HEMK2: variants seen among roughly 807,000 people sequenced by gnomAD.
The protein encoded by HEMK2 is methyltransferase HEMK2.
the HEMK2 span, among the ~76,000 whole-genome samples, chr21:28,679,389 T>C: frequency 6.6e-6 from 1 of 152,156 alleles, no homozygotes. Flanking sequence ...CCCAGATTCA[T>C]AAAGCAAGTC....
the HEMK2 span, among the ~76,000 whole-genome samples, chr21:28,647,508 CAAAAAAAA>C: frequency 1.8e-5 from 2 of 111,870 alleles, no homozygotes; most frequent in African/African-American, 7.1e-5. Flanking sequence ...AACTCCATCT[CAAAAAAAA>C]AAAAAAAAAG....
At chr21:28,654,788 G>C in the HEMK2 span, among the ~76,000 whole-genome samples, 1 of 152,020 alleles carries the variant, frequency 6.6e-6, no homozygotes, top group African/African-American at 2.4e-5. Flanking sequence ...CATTAAGTTA[G>C]TTGTTTTCTG....
the HEMK2 span, among the ~76,000 whole-genome samples, chr21:28,601,644 CTT>C: frequency 2.1e-5 from 3 of 143,408 alleles, no homozygotes; most frequent in African/African-American, 7.9e-5. Flanking sequence ...CTCTCTCTCT[CTT>C]TCTGTAATTT....
the HEMK2 span, among the ~76,000 whole-genome samples, chr21:28,610,634 CAA>C: frequency 6.6e-6 from 1 of 152,030 alleles, no homozygotes; most frequent in African/African-American, 2.4e-5. Flanking sequence ...GATTCACCAA[CAA>C]AGTGTCATCA....
chr21:28,802,943 G>A, the HEMK2 span, among the ~76,000 whole-genome samples: 2 of 152,008 alleles, frequency 1.3e-5, no homozygotes, highest in East Asian at 3.9e-4. Context: ...CATAAGTTGT[G>A]GGACTCTGAG....
At chr21:28,815,896 T>C in the HEMK2 span, among the ~76,000 whole-genome samples, 8 of 151,448 alleles carry the variant, frequency 5.3e-5, no homozygotes, top group East Asian at 1.4e-3. Flanking sequence ...ATATTGAAGC[T>C]GTAACCCCTA....
chr21:28,725,741 T>C, the HEMK2 span, among the ~76,000 whole-genome samples: 1 of 152,226 alleles, frequency 6.6e-6, no homozygotes, highest in African/African-American at 2.4e-5. Context: ...TGGATGATTT[T>C]TATAATTTGG....
At chr21:28,818,237 T>C in the HEMK2 span, among the ~76,000 whole-genome samples, 4 of 152,280 alleles carry the variant, frequency 2.6e-5, no homozygotes, top group East Asian at 1.9e-4. Context: ...CCGTGCTGGA[T>C]GCTTCTTACC....
At chr21:28,730,418 A>ACACATAATTTAT in the HEMK2 span, among the ~76,000 whole-genome samples, 8 of 142,184 alleles carry the variant, frequency 5.6e-5, no homozygotes, top group African/African-American at 2.1e-4. Flanking sequence ...ACACACACAC[A>ACACATAATTTAT]TTTCTCACAA....
the HEMK2 span, among the ~76,000 whole-genome samples, chr21:28,595,300 G>A: frequency 6.6e-6 from 1 of 151,242 alleles, no homozygotes; most frequent in African/African-American, 2.4e-5. Flanking sequence ...CCCATTAACC[G>A]CCCCCACATC....
the HEMK2 span, among the ~76,000 whole-genome samples, chr21:28,837,248 A>C: frequency 3.3e-5 from 5 of 152,244 alleles, no homozygotes; most frequent in African/African-American, 1.2e-4. Context: ...TACACATTCT[A>C]TTCAACAACA....
chr21:28,600,303 C>A, the HEMK2 span, among the ~76,000 whole-genome samples: 3 of 152,374 alleles, frequency 2.0e-5, no homozygotes. Context: ...GTTCCCAAAC[C>A]TCAATTCTTG....
At chr21:28,754,763 A>G in the HEMK2 span, among the ~76,000 whole-genome samples, 1 of 152,200 alleles carries the variant, frequency 6.6e-6, no homozygotes, top group South Asian at 2.1e-4. Flanking sequence ...TATTATACAC[A>G]AGGCACTTTG....
At chr21:28,744,815 G>T in the HEMK2 span, among the ~76,000 whole-genome samples, 1 of 152,130 alleles carries the variant, frequency 6.6e-6, no homozygotes, top group Non-Finnish European at 1.5e-5. Flanking sequence ...GAACCATTCT[G>T]TTTCATGCTT....
At chr21:28,639,951 G>A in the HEMK2 span, among the ~76,000 whole-genome samples, 1 of 152,184 alleles carries the variant, frequency 6.6e-6, no homozygotes. Flanking sequence ...GGGATCTGAG[G>A]GGGTGGAGGA....
chr21:28,667,279 G>A, the HEMK2 span, among the ~76,000 whole-genome samples: 1 of 152,078 alleles, frequency 6.6e-6, no homozygotes, highest in East Asian at 1.9e-4. Context: ...CCAATGATGT[G>A]CTTTGCTAAA....
At chr21:28,668,625 A>G in the HEMK2 span, among the ~76,000 whole-genome samples, 7 of 152,334 alleles carry the variant, frequency 4.6e-5, no homozygotes, top group African/African-American at 1.2e-4. Flanking sequence ...AAGGAAGTAC[A>G]TGCCTCCTGT....
the HEMK2 span, among the ~76,000 whole-genome samples, chr21:28,673,551 A>G: frequency 9.4e-6 from 1 of 106,592 alleles, no homozygotes; most frequent in Non-Finnish European, 1.9e-5. Flanking sequence ...AAAATGCATA[A>G]AATGAATAGT....
the HEMK2 span, among the ~76,000 whole-genome samples, chr21:28,786,230 A>G: frequency 2.0e-5 from 3 of 152,266 alleles, no homozygotes; most frequent in African/African-American, 7.2e-5. Context: ...AAATGGTACA[A>G]TATCATCTTA....
Sources: allele counts gnomAD v4.1 joint callset (sites outside exome capture counted in the v4.1 genomes callset), GRCh38; gene constraint gnomAD v4.1.1; transcripts MANE v1.5; gene names NCBI Gene and HGNC (gene_info 2026-07-23, HGNC 2026-07-21).